The following UNC5D variants were observed in gnomAD, a reference collection of about 807,000 sequenced individuals.
UNC5D encodes netrin receptor UNC5D.
Under a neutral mutation model 105.4 loss-of-function variants are expected in UNC5D, and 39 were observed. The observed-to-expected ratio is 0.37, with a 90% CI of 0.29 to 0.48. The LOEUF is 0.48. UNC5D is among the 20% of genes least tolerant of loss of function. The pLI is 0.98. For missense variants in UNC5D, 991 were observed against 1,202.4 expected (o/e 0.82, Z 2.60); for synonymous variants, 452 against 450.4 (o/e 1.00, Z -0.04).
At position 35,558,770 on chromosome 8, in the gene UNC5D, G is replaced by A. The variant is rs1029194106; in HGVS notation, c.322+9260G>A. On this transcript the variant is annotated intron_variant, in intron 2 of 16. Coordinates refer to ENST00000404895, the MANE Select transcript of UNC5D (RefSeq NM_080872.4). ...GGCCGAGGTGGGCGGGTCACTTGAG[G>A]CCTGGAGTTTCAGACCAGCCTGGCC... is the stretch of plus-strand genomic sequence containing the variant. Among the ~76,000 whole-genome samples the A allele has an allele frequency of 3.3e-5, 5 of 152,190 alleles. No individual in the cohort carries two copies. In the South Asian group the frequency reaches 1.0e-3, roughly 32 times the overall value.
chr8:35,751,671 C>T (rs1830287665), intron 13 of UNC5D, among the ~76,000 whole-genome samples: 1 of 152,108 alleles, frequency 6.6e-6, no homozygotes, highest in African/African-American at 2.4e-5. Flanking sequence ...ACTGGGATAC[C>T]TACCTTGAAG....
intron 4 of UNC5D, among the ~76,000 whole-genome samples, chr8:35,619,066 A>G (rs1821197078): frequency 1.3e-5 from 2 of 152,186 alleles, no homozygotes; most frequent in African/African-American, 2.4e-5. Context: ...GCCTCGGAGG[A>G]TACAGTAATA....
chr8:35,363,609 T>C (rs1003598630), intron 1 of UNC5D, among the ~76,000 whole-genome samples: 3 of 152,152 alleles, frequency 2.0e-5, no homozygotes, highest in Non-Finnish European at 4.4e-5. Flanking sequence ...CTCTGCATTG[T>C]ATTAGGAGGC....
At chr8:35,478,512 T>G (rs2129940598) in intron 1 of UNC5D, among the ~76,000 whole-genome samples, 1 of 152,202 alleles carries the variant, frequency 6.6e-6, no homozygotes, top group East Asian at 1.9e-4. Context: ...GGACTCTTAC[T>G]TCAAAATGCT....
chr8:35,766,951 G>T lies in UNC5D; in HGVS notation c.2363G>T (p.Cys788Phe). The stretch of plus-strand genomic sequence containing the variant: ...TGCAGTAACCGGCAGCCCCTGCACT[G>T]TGCCTTCTCCCTGGAGCGTTATACG... ...VWCSNRQPLH[C>F]AFSLERYTPT... Residue 788 changes from cysteine to phenylalanine, a missense_variant, in exon 15 of 17, where the codon TGT becomes TTT. By Grantham distance (205) the Cys-to-Phe change is radical. This residue lies in a region of UNC5D where 944 missense variants were observed against 1,131.6 expected (regional missense o/e 0.83). Coordinates refer to ENST00000404895, the MANE Select transcript of UNC5D (RefSeq NM_080872.4). The T allele has an allele frequency of 1.2e-6, 2 of 1,614,022 alleles. No homozygotes were observed. The highest frequency in any genetic ancestry group is 1.7e-6 in the Non-Finnish European group (2 of 1,179,962).
intron 1 of UNC5D, among the ~76,000 whole-genome samples, chr8:35,302,936 A>G (rs1229100336): frequency 6.6e-6 from 1 of 152,150 alleles, no homozygotes; most frequent in Non-Finnish European, 1.5e-5. Context: ...ATTATCTGAT[A>G]GAAACATGCA....
At chr8:35,600,973 T>C (rs1819836360) in intron 4 of UNC5D, among the ~76,000 whole-genome samples, 1 of 152,228 alleles carries the variant, frequency 6.6e-6, no homozygotes, top group Admixed American at 6.5e-5. Context: ...AATTAATTTT[T>C]GTATAAGGTG....
At chr8:35,535,805 A>G (rs1055774710) in intron 1 of UNC5D, among the ~76,000 whole-genome samples, 5 of 152,168 alleles carry the variant, frequency 3.3e-5, no homozygotes, top group Non-Finnish European at 5.9e-5. Context: ...TCCTTAATTA[A>G]TAATAATATG....
intron 13 of UNC5D, among the ~76,000 whole-genome samples, chr8:35,751,979 T>C (rs1254116156): frequency 1.3e-5 from 2 of 152,188 alleles, no homozygotes; most frequent in African/African-American, 2.4e-5. Flanking sequence ...TTATTTGATG[T>C]GCAGAGGGCA....
At chr8:35,543,528 C>T (rs143834118) in intron 1 of UNC5D, among the ~76,000 whole-genome samples, 270 of 152,298 alleles carry the variant, frequency 1.8e-3, no homozygotes, top group African/African-American at 6.1e-3. Flanking sequence ...GTTTTTCTTG[C>T]TAATGTTCAC....
At chr8:35,463,433 G>T (rs1809045496) in intron 1 of UNC5D, among the ~76,000 whole-genome samples, 1 of 152,156 alleles carries the variant, frequency 6.6e-6, no homozygotes, top group Admixed American at 6.6e-5. Context: ...TTTTTCTGAA[G>T]CCAGGCTACC....
chr8:35,332,911 T>C (rs1204006356), intron 1 of UNC5D, among the ~76,000 whole-genome samples: 1 of 152,204 alleles, frequency 6.6e-6, no homozygotes, highest in Admixed American at 6.5e-5. Flanking sequence ...GAACTCTAAA[T>C]CTTGATTGCT....
chr8:35,685,095 ATAGT>A (rs899573367), intron 6 of UNC5D, among the ~76,000 whole-genome samples: 2 of 152,168 alleles, frequency 1.3e-5, no homozygotes, highest in East Asian at 1.9e-4. Flanking sequence ...TATTTGTATA[ATAGT>A]TAGCAGGGAT....
chr8:35,331,574 G>A (rs990640780), intron 1 of UNC5D, among the ~76,000 whole-genome samples: 2 of 152,152 alleles, frequency 1.3e-5, no homozygotes, highest in African/African-American at 4.8e-5. Context: ...ACTTCAGCCT[G>A]CGTCAGCAGT....
intron 15 of UNC5D, among the ~76,000 whole-genome samples, chr8:35,770,102 A>G (rs1440759719): frequency 6.6e-6 from 1 of 152,156 alleles, no homozygotes; most frequent in Non-Finnish European, 1.5e-5. Flanking sequence ...CCAGGTCTCT[A>G]TTGGTGAGTT....
At chr8:35,421,141 C>T (rs2128966202) in intron 1 of UNC5D, among the ~76,000 whole-genome samples, 1 of 152,266 alleles carries the variant, frequency 6.6e-6, no homozygotes, top group Admixed American at 6.5e-5. Flanking sequence ...AAGGTTATGA[C>T]ATTAACCTTT....
At chr8:35,246,843 A>G (rs1043781315) in intron 1 of UNC5D, among the ~76,000 whole-genome samples, 2 of 152,114 alleles carry the variant, frequency 1.3e-5, no homozygotes, top group African/African-American at 4.8e-5. Context: ...AGATTTGTAG[A>G]ATAGTGTTAT....
intron 1 of UNC5D, among the ~76,000 whole-genome samples, chr8:35,438,844 C>T (rs1035777241): frequency 2.0e-5 from 3 of 151,902 alleles, no homozygotes; most frequent in African/African-American, 7.2e-5. Flanking sequence ...TTATCAGAGG[C>T]CCATTTAGCA....
intron 1 of UNC5D, among the ~76,000 whole-genome samples, chr8:35,404,233 G>A (rs1418656948): frequency 1.3e-5 from 2 of 152,170 alleles, no homozygotes; most frequent in African/African-American, 2.4e-5. Context: ...TGCCCAGCAT[G>A]GTTAGAAATT....
Sources: allele counts gnomAD v4.1 joint callset (sites outside exome capture counted in the v4.1 genomes callset), GRCh38; gene constraint gnomAD v4.1.1; regional missense constraint gnomAD v4.1.1; transcripts MANE v1.5; gene names NCBI Gene and HGNC (gene_info 2026-07-23, HGNC 2026-07-21).